WWOX: variants seen among roughly 807,000 people sequenced by gnomAD.
The protein encoded by WWOX is WW domain-containing oxidoreductase.
In WWOX, 69 loss-of-function variants were observed where a neutral mutation model predicts 46.2. The observed-to-expected ratio is 1.49, with a 90% CI of 1.23 to 1.82. WWOX has a LOEUF of 1.82. Ranked by LOEUF, WWOX falls within the 40% of genes most tolerant of loss-of-function variation. WWOX has a pLI of 0.00. For missense variants in WWOX, 919 were observed against 542.6 expected (o/e 1.69, Z -6.89); for synonymous variants, 359 against 202.6 (o/e 1.77, Z -6.56).
At chr16:78,763,889 G>T (rs969654375) in intron 8 of WWOX, among the ~76,000 whole-genome samples, 2 of 152,102 alleles carry the variant, frequency 1.3e-5, no homozygotes, top group African/African-American at 4.8e-5. Flanking sequence ...ATGCAATTGT[G>T]TACACCCCAA....
At chr16:78,793,060 T>C (rs1473986741) in intron 8 of WWOX, among the ~76,000 whole-genome samples, 1 of 152,218 alleles carries the variant, frequency 6.6e-6, no homozygotes, top group Non-Finnish European at 1.5e-5. Flanking sequence ...ATCTTATCTA[T>C]ATATCTGTAT....
chr16:79,071,616 G>GC (rs1238362409), intron 8 of WWOX, among the ~76,000 whole-genome samples: 13 of 152,216 alleles, frequency 8.5e-5, no homozygotes, highest in African/African-American at 2.7e-4. Flanking sequence ...ACACGCTCAG[G>GC]CTTGTAGTCA....
intron 8 of WWOX, chr16:79,202,714 C>T (rs544955905): frequency 6.6e-6 from 1 of 152,272 alleles, no homozygotes; most frequent in East Asian, 1.9e-4. Context: ...TACATGCCTT[C>T]ATATTATAAA....
intron 8 of WWOX, among the ~76,000 whole-genome samples, chr16:78,510,809 A>T (rs2085342994): frequency 6.6e-6 from 1 of 152,264 alleles, no homozygotes; most frequent in Non-Finnish European, 1.5e-5. Flanking sequence ...CATTTACCAC[A>T]GCAGTGGATT....
At chr16:78,806,873 T>C (rs2051053815) in intron 8 of WWOX, among the ~76,000 whole-genome samples, 1 of 152,152 alleles carries the variant, frequency 6.6e-6, no homozygotes, top group Non-Finnish European at 1.5e-5. Flanking sequence ...AGCAAACAGT[T>C]CGTGTCCTGC....
chr16:78,393,194 G>C (rs182937512), intron 6 of WWOX, among the ~76,000 whole-genome samples: 126 of 152,262 alleles, frequency 8.3e-4, no homozygotes, highest in Non-Finnish European at 1.5e-3. Flanking sequence ...CCAAATATTG[G>C]GGTTTTCTGA....
At chr16:78,527,649 A>C (rs762474530) in intron 8 of WWOX, among the ~76,000 whole-genome samples, 1 of 152,144 alleles carries the variant, frequency 6.6e-6, no homozygotes, top group Non-Finnish European at 1.5e-5. Context: ...TGTCAGTCCT[A>C]CTATGCACCT....
chr16:78,820,821 C>T (rs1453834454), intron 8 of WWOX, among the ~76,000 whole-genome samples: 1 of 152,108 alleles, frequency 6.6e-6, no homozygotes, highest in African/African-American at 2.4e-5. Flanking sequence ...GAGGGAGAAA[C>T]CATGCCATGC....
At chr16:79,181,557 GGTTT>G (rs2050911952) in intron 8 of WWOX, among the ~76,000 whole-genome samples, 1 of 151,974 alleles carries the variant, frequency 6.6e-6, no homozygotes, top group Non-Finnish European at 1.5e-5. Flanking sequence ...TCTTGGTAGG[GGTTT>G]TTTTTTTAAT....
intron 8 of WWOX, among the ~76,000 whole-genome samples, chr16:78,587,722 T>G (rs2045249544): frequency 6.6e-6 from 1 of 152,182 alleles, no homozygotes; most frequent in South Asian, 2.1e-4. Context: ...GCCTTCACCT[T>G]GCTTTTTGTG....
intron 8 of WWOX, among the ~76,000 whole-genome samples, chr16:78,714,729 A>G (rs976709951): frequency 6.6e-6 from 1 of 152,182 alleles, no homozygotes; most frequent in Non-Finnish European, 1.5e-5. Context: ...CTTGGGCGGA[A>G]TAAATGAAGG....
At chr16:78,321,257 C>T (rs775841852) in intron 5 of WWOX, among the ~76,000 whole-genome samples, 2 of 147,814 alleles carry the variant, frequency 1.4e-5, no homozygotes, top group African/African-American at 2.5e-5. Flanking sequence ...TAAGGCAACA[C>T]GTAGGTTCTT....
intron 8 of WWOX, among the ~76,000 whole-genome samples, chr16:78,786,912 C>T (rs1017773532): frequency 1.3e-5 from 2 of 152,160 alleles, no homozygotes; most frequent in East Asian, 3.8e-4. Context: ...CTTTGGGAGG[C>T]TGAGGTGGGT....
At chr16:79,127,429 C>T (rs1264558420) in intron 8 of WWOX, among the ~76,000 whole-genome samples, 1 of 152,150 alleles carries the variant, frequency 6.6e-6, no homozygotes, top group Non-Finnish European at 1.5e-5. Flanking sequence ...TCTAAATCAG[C>T]ATATAAATTA....
chr16:79,177,925 G>T (rs1258230889), intron 8 of WWOX, among the ~76,000 whole-genome samples: 2 of 152,206 alleles, frequency 1.3e-5, no homozygotes, highest in Non-Finnish European at 2.9e-5. Flanking sequence ...AGCCTGGGAA[G>T]TCCAAGAGCA....
chr16:78,421,395 T>C (rs1485781485), intron 6 of WWOX, among the ~76,000 whole-genome samples: 3 of 152,202 alleles, frequency 2.0e-5, no homozygotes, highest in Non-Finnish European at 4.4e-5. Context: ...CATCTCCTTC[T>C]CTGTGGGTGT....
At position 79,002,383 on chromosome 16, in the gene WWOX, C is replaced by T. The variant is rs1419856320; in HGVS notation, c.1057-209225C>T. On this transcript the variant is annotated intron_variant, in intron 8 of 8. Transcript: ENST00000566780. ...GGATAACAGGTGCACACCACCATGC[C>T]CGGCTAGTTTTTGTATTTTTAGTAG... 5.3e-5 allele frequency among the ~76,000 whole-genome samples: 8 copies of T among 151,900 alleles called. No individual in the cohort carries two copies. The East Asian group carries it at 1.5e-3, about 29-fold the overall frequency.
intron 5 of WWOX, among the ~76,000 whole-genome samples, chr16:78,333,737 C>T (rs1470680553): frequency 6.6e-6 from 1 of 152,138 alleles, no homozygotes; most frequent in East Asian, 1.9e-4. Context: ...AATAAAATTT[C>T]AAATGGTTCC....
intron 5 of WWOX, among the ~76,000 whole-genome samples, chr16:78,217,742 G>C (rs1317325681): frequency 6.6e-6 from 1 of 152,086 alleles, no homozygotes; most frequent in African/African-American, 2.4e-5. Context: ...TTCACTTACC[G>C]GGGAAGGGGG....
Sources: gnomAD v4.1 joint callset for allele counts (sites outside exome capture counted in the v4.1 genomes callset) on GRCh38, gnomAD v4.1.1 for gene constraint, MANE v1.5 for transcripts, NCBI Gene and HGNC (gene_info 2026-07-23, HGNC 2026-07-21) for gene names.